Variants in CLGN observed in about 807,000 individuals in gnomAD.
The protein encoded by CLGN is calmegin.
A neutral mutation model predicts 79.1 loss-of-function variants in CLGN; 62 were observed. The ratio of observed to expected loss-of-function variants is 0.78; its 90% CI spans 0.64 to 0.97. CLGN has a LOEUF of 0.97. Among genes scored for constraint, CLGN ranks in the 50% least tolerant of loss-of-function variants. The probability of loss-of-function intolerance (pLI) is 0.00; values close to 1 mark genes in which losing one functional copy is unlikely to be tolerated. For missense variants in CLGN, 647 were observed against 715.5 expected, an observed-to-expected ratio of 0.90 and a Z score of 1.09; for synonymous variants, 225 against 224.7, an observed-to-expected ratio of 1.00 and a Z score of -0.01.
chr4:140,408,868 T>TATAC (rs1160126193), intron 4 of CLGN, among the ~76,000 whole-genome samples: 11 of 118,788 alleles, frequency 9.3e-5, no homozygotes, highest in African/African-American at 3.9e-4. Context: ...AGCATATATA[T>TATAC]ATATATATAT....
chr4:140,411,052 A>AT (rs1729200805), intron 2 of CLGN, among the ~76,000 whole-genome samples: 1 of 152,090 alleles, frequency 6.6e-6, no homozygotes, highest in African/African-American at 2.4e-5. Context: ...ATTTTCCAAG[A>AT]TTAGGAACCC....
intron 5 of CLGN, 80 bp from the exon 6 acceptor site, chr4:140,402,146 C>CTTATT: frequency 1.4e-6 from 1 of 705,610 alleles, no homozygotes; most frequent in Non-Finnish European, 2.3e-6. Flanking sequence ...TTATTATTCT[C>CTTATT]AATTCATGTA....
Position 140,389,181 on chromosome 4 carries a change from T to C in CLGN, c.*43A>G. 1 of 1,523,960 alleles carries C rather than the reference T, an allele frequency of 6.6e-7. No individual in the cohort carries two copies. The highest frequency in any genetic ancestry group is 1.1e-5 in the South Asian group (1 of 89,060). 94.4% of individuals were successfully genotyped at this position (1,523,960 alleles called of 1,614,324 possible). ...AGGTCTGGCATGCTGATTTTTACAA[T>C]GCCAAACATCCCTCTCGGGAATTAA... On this transcript the variant is annotated 3_prime_UTR_variant, in exon 15 of 15. Transcript: ENST00000325617.
chr4:140,416,812 T>C (rs1177217172), intron 1 of CLGN, among the ~76,000 whole-genome samples: 3 of 151,766 alleles, frequency 2.0e-5, no homozygotes, highest in African/African-American at 4.8e-5. Context: ...ACTATTCCAA[T>C]CAATAGAAAA....
chr4:140,416,721 C>A (rs1254676918), intron 1 of CLGN, among the ~76,000 whole-genome samples: 1 of 151,886 alleles, frequency 6.6e-6, no homozygotes, highest in Non-Finnish European at 1.5e-5. Flanking sequence ...GCTTACCAAC[C>A]AAAAAGAGTC....
At position 140,395,840 on chromosome 4, in the gene CLGN, C is replaced by T. The variant is rs752036983; in HGVS notation, c.1128G>A (p.Leu376=). Residue 376 remains leucine (L), a synonymous_variant, in exon 10 of 15, where the codon CTG becomes CTA. Coordinates refer to ENST00000325617, the MANE Select transcript of CLGN (RefSeq NM_004362.3). The part of the protein sequence containing the change: ...PKYKGVWRPP[L]VDNPNYQGIW... The stretch of plus-strand genomic sequence containing the variant: ...TTACCTGATAGTTAGGATTATCGAC[C>T]AGTGGAGGTCTCCATACTCCTTTGT... 6.6e-7 allele frequency: 1 copy of T among 1,519,380 alleles called. No homozygotes were observed. The highest frequency in any genetic ancestry group is 8.8e-7 in the Non-Finnish European group (1 of 1,140,818). The allele number at this position is 1,519,380 out of a possible 1,614,324, so 94.1% of individuals were successfully genotyped here.
intron 5 of CLGN, 36 bp from the exon 6 acceptor site, chr4:140,402,102 A>G: frequency 9.1e-7 from 1 of 1,102,116 alleles, no homozygotes; most frequent in Non-Finnish European, 1.3e-6. Flanking sequence ...CTACTGATAA[A>G]TAAAATTTAC....
At chr4:140,400,624 G>T in intron 6 of CLGN, 75 bp from the exon 7 acceptor site, 3 of 926,012 alleles carry the variant, frequency 3.2e-6, no homozygotes, top group Non-Finnish European at 3.2e-6. Flanking sequence ...TTTATCCAAT[G>T]GGTAGAGTTT....
intron 3 of CLGN, 117 bp from the exon 4 acceptor site, chr4:140,410,012 C>T: frequency 1.6e-6 from 1 of 607,684 alleles, no homozygotes; most frequent in Admixed American, 3.2e-5. Context: ...TTTCATTCAA[C>T]AATAAATTCA....
At chr4:140,404,577 G>C (rs1729063028) in intron 5 of CLGN, among the ~76,000 whole-genome samples, 1 of 151,992 alleles carries the variant, frequency 6.6e-6, no homozygotes, top group South Asian at 2.1e-4. Context: ...ATTAAGAGGA[G>C]ACAAACATTC....
intron 4 of CLGN, among the ~76,000 whole-genome samples, chr4:140,407,590 A>C (rs1729132326): frequency 6.6e-6 from 1 of 150,980 alleles, no homozygotes; most frequent in African/African-American, 2.4e-5. Context: ...TGGCTGCAAA[A>C]AAAAAAAAAA....
At chr4:140,405,476 G>A (rs1003824807) in intron 5 of CLGN, among the ~76,000 whole-genome samples, 4 of 152,008 alleles carry the variant, frequency 2.6e-5, no homozygotes, top group Admixed American at 6.6e-5. Flanking sequence ...GAGCCACCGC[G>A]CCCGGCGATA....
At chr4:140,392,872 T>TATTTA (rs1728802700) in intron 11 of CLGN, among the ~76,000 whole-genome samples, 161 bp from the exon 12 acceptor site, 1 of 152,130 alleles carries the variant, frequency 6.6e-6, no homozygotes, top group South Asian at 2.1e-4. Context: ...CTTTGTAAAG[T>TATTTA]CTAATTTAAT....
In CLGN at chr4:140,396,136, TTCA is replaced by T. The variant is rs761558181; in HGVS notation, c.951_953del (p.Asp317del). ...CATTAGGATCAGGGATAAATTTTGGTTCATCATCAAGCCAGCCAGCAGGTTTAA... is the reference window on the plus strand; with the variant it reads ...CATTAGGATCAGGGATAAATTTTGGTTCATCAAGCCAGCCAGCAGGTTTAA... On this transcript the variant is annotated inframe_deletion, in exon 9 of 15. Coordinates refer to ENST00000325617, the MANE Select transcript of CLGN (RefSeq NM_004362.3). The T allele has an allele frequency of 3.1e-6, 5 of 1,614,158 alleles. No homozygotes were observed. Among genetic ancestry groups the T allele is most frequent in the East Asian group, 2.2e-5 (1 of 44,876 alleles).
At chr4:140,391,480 CAT>C (rs1728772122) in intron 13 of CLGN, among the ~76,000 whole-genome samples, 1 of 151,820 alleles carries the variant, frequency 6.6e-6, no homozygotes, top group South Asian at 2.1e-4. Context: ...CTAATACACA[CAT>C]GAACATGTGT....
intron 7 of CLGN, 151 bp from the exon 8 acceptor site, chr4:140,399,191 T>C (rs1446880915): frequency 1.6e-5 from 9 of 578,174 alleles, no homozygotes; most frequent in Non-Finnish European, 2.2e-5. Context: ...AACTAAAACA[T>C]TCTAAAATCA....
intron 8 of CLGN, 108 bp downstream of exon 8, chr4:140,398,743 G>A (rs1303535760): frequency 1.9e-5 from 18 of 925,370 alleles, no homozygotes; most frequent in South Asian, 4.8e-5. Context: ...AAAATAAGTA[G>A]TTCTGATGTT....
At chr4:140,395,324 T>G (rs1728852729) in intron 10 of CLGN, among the ~76,000 whole-genome samples, 1 of 152,048 alleles carries the variant, frequency 6.6e-6, no homozygotes, top group Admixed American at 6.5e-5. Flanking sequence ...TTTTTTGTAT[T>G]TTTAGTGGAG....
Position 140,406,101 on chromosome 4 carries a change from G to A in CLGN, c.278-18C>T. On this transcript the variant is annotated intron_variant, in intron 4 of 14. Coordinates refer to ENST00000325617, the MANE Select transcript of CLGN (RefSeq NM_004362.3). ...CCATCTTCCTAAAAAATAAAGCAAA[G>A]CAAATTAAACTAAAACAGAAAACAT... 1.2e-6 allele frequency: 2 copies of A among 1,607,910 alleles called. No homozygotes were observed. The highest frequency in any genetic ancestry group is 1.7e-5 in the Admixed American group (1 of 59,120).
Sources: allele counts gnomAD v4.1 joint callset (sites outside exome capture counted in the v4.1 genomes callset), GRCh38; gene constraint gnomAD v4.1.1; transcripts MANE v1.5; gene names NCBI Gene and HGNC (gene_info 2026-07-23, HGNC 2026-07-21).